NECTIN1: variants seen among roughly 807,000 people sequenced by gnomAD.
NECTIN1 encodes the protein nectin cell adhesion molecule 1.
NECTIN1 carries 23 observed loss-of-function variants against 48.0 expected under a neutral mutation model. The observed-to-expected ratio is 0.48, with a 90% CI of 0.34 to 0.68. The LOEUF (loss-of-function observed/expected upper bound fraction) is 0.68. NECTIN1 is among the 30% of genes least tolerant of loss of function. The pLI, the probability that NECTIN1 is intolerant of heterozygous loss-of-function variation, is 0.01. For synonymous variants in NECTIN1, 270 were observed against 288.9 expected (o/e 0.93, Z 0.66); for missense variants, 591 against 709.9 (o/e 0.83, Z 1.90).
At chr11:119,685,959 G>A (rs74793082) in intron 1 of NECTIN1, among the ~76,000 whole-genome samples, 1 of 152,162 alleles carries the variant, frequency 6.6e-6, no homozygotes, top group African/African-American at 2.4e-5. Context: ...TGACCCAGCT[G>A]TGCCTTTGCC....
downstream of NECTIN1, among the ~76,000 whole-genome samples, chr11:119,660,727 G>A (rs180715383): frequency 7.9e-4 from 121 of 152,216 alleles, no homozygotes; most frequent in Middle Eastern, 6.8e-3. Context: ...TTTCTTAAAG[G>A]CCTCCCTCCT....
Position 119,675,303 on chromosome 11 carries a change from C to CAT in NECTIN1, c.857_858dup (p.Gly287MetfsTer83). ...GCCTCCACACCCTTGGGGAGAGAGC[C>CAT]ATTTAGCCTGTGGGAAGTGGGAGAC... On this transcript the variant is annotated frameshift_variant, in exon 5 of 6. Coordinates refer to ENST00000264025, the MANE Select transcript of NECTIN1 (RefSeq NM_002855.5). LOFTEE classifies it high-confidence loss of function. 1 of 1,614,128 alleles carries CAT rather than the reference C, an allele frequency of 6.2e-7. No homozygotes were observed. The highest frequency in any genetic ancestry group is 1.1e-5 in the South Asian group (1 of 91,072).
Position 119,661,646 on chromosome 11 carries a change from T to A in NECTIN1, c.*3101A>T. ...GCTCTGAGGAAGGCAGAAAAGTTAT[T>A]GCACCAGTGACTTGGGCAAGTGGGG... On this transcript the variant is annotated 3_prime_UTR_variant, in exon 6 of 6. Coordinates refer to ENST00000264025, the MANE Select transcript of NECTIN1 (RefSeq NM_002855.5). 1 of 985,884 alleles carries A rather than the reference T, an allele frequency of 1.0e-6. No homozygotes were observed. Among genetic ancestry groups the A allele is most frequent in the Non-Finnish European group, 1.2e-6 (1 of 829,954 alleles). The allele number at this position is 985,884 out of a possible 1,614,324, so 61.1% of individuals were successfully genotyped here.
intron 5 of NECTIN1, among the ~76,000 whole-genome samples, chr11:119,670,686 G>T (rs1004509270): frequency 1.7e-5 from 2 of 119,270 alleles, no homozygotes; most frequent in South Asian, 2.8e-4. Flanking sequence ...TCGCTCCATC[G>T]CCTGGGCTGG....
downstream of NECTIN1, among the ~76,000 whole-genome samples, chr11:119,657,476 G>C (rs1271916819): frequency 6.6e-6 from 1 of 151,926 alleles, no homozygotes. Flanking sequence ...TTAGCTGGGC[G>C]TGGTGGCACG....
At chr11:119,712,274 GC>G (rs1037246387) in intron 1 of NECTIN1, among the ~76,000 whole-genome samples, 7 of 152,082 alleles carry the variant, frequency 4.6e-5, no homozygotes, top group African/African-American at 1.7e-4. Flanking sequence ...TCACGTCCCA[GC>G]CCACTCCTTC....
chr11:119,706,478 G>A (rs1385974669), intron 1 of NECTIN1, among the ~76,000 whole-genome samples: 1 of 152,166 alleles, frequency 6.6e-6, no homozygotes, highest in Non-Finnish European at 1.5e-5. Flanking sequence ...TAGGAAGAGG[G>A]AGGGACCTTC....
intron 5 of NECTIN1, chr11:119,640,299 A>C (rs1480610158): frequency 6.3e-6 from 3 of 477,628 alleles, no homozygotes; most frequent in Non-Finnish European, 1.1e-5. Context: ...GACAGGCAGC[A>C]GGTGCTGAGA....
chr11:119,645,051 C>G (rs1864377745), intron 5 of NECTIN1, among the ~76,000 whole-genome samples: 1 of 152,160 alleles, frequency 6.6e-6, no homozygotes, highest in African/African-American at 2.4e-5. Flanking sequence ...GCACTTCTGC[C>G]CCTGAAGCTG....
In NECTIN1 at chr11:119,664,754, T is replaced by A. The variant is rs1864731213; in HGVS notation, c.1547A>T (p.Tyr516Phe). 6.2e-7 allele frequency: 1 copy of A among 1,610,678 alleles called. No homozygotes were observed. The highest frequency in any genetic ancestry group is 1.1e-5 in the South Asian group (1 of 90,478). The stretch of plus-strand genomic sequence containing the variant: ...GAGGCTCTGGAAGGGGGGCTACACG[T>A]ACCACTCCTTCTTGGAAATGAAAGA... ...DGSFISKKEW[Y>F]V The change falls in exon 6 of 6, where the codon TAC becomes TTC. Residue 516 changes from tyrosine (Y) to phenylalanine (F), a missense_variant. By Grantham distance (22) the Tyr-to-Phe change is conservative. Coordinates refer to ENST00000264025, the MANE Select transcript of NECTIN1 (RefSeq NM_002855.5).
intron 1 of NECTIN1, among the ~76,000 whole-genome samples, chr11:119,697,766 C>T (rs575125093): frequency 6.6e-6 from 1 of 152,196 alleles, no homozygotes; most frequent in Non-Finnish European, 1.5e-5. Flanking sequence ...ACTGACACTG[C>T]CCCTTGGTTT....
rs183979337 is a variant in NECTIN1, at chr11:119,686,088, A to G, written c.80-7323T>C. On this transcript the variant is annotated intron_variant, in intron 1 of 5. Coordinates refer to ENST00000264025, the MANE Select transcript of NECTIN1 (RefSeq NM_002855.5). ...ATGCCAGGAAAATCCAGGCCACAGCATGGCAAAGCTGGAGCACACAGGGAC... is the reference window on the plus strand; with the variant it reads ...ATGCCAGGAAAATCCAGGCCACAGCGTGGCAAAGCTGGAGCACACAGGGAC... Among the ~76,000 whole-genome samples, 317 of 152,330 alleles carry G rather than the reference A, an allele frequency of 2.1e-3. 1 individual carries two copies. The highest frequency in any genetic ancestry group is 7.3e-3 in the African/African-American group (305 of 41,584).
rs376916853 is a variant in NECTIN1 at position 119,720,235 on chromosome 11, C to T, written c.79+8240G>A. On this transcript the variant is annotated intron_variant, in intron 1 of 5. Transcript: ENST00000264025. ...CTCCTCCACTGCCCTTGTCCTAGCA[C>T]CTGACAGCATTTGTCCACAAGACGC... is the stretch of plus-strand genomic sequence containing the variant. Among the ~76,000 whole-genome samples, 16 of 152,366 alleles carry T rather than the reference C, an allele frequency of 1.1e-4. No homozygotes were observed. The East Asian group carries it at 2.3e-3, about 22-fold the overall frequency.
intron 5 of NECTIN1, chr11:119,640,247 A>T: frequency 1.7e-6 from 1 of 572,446 alleles, no homozygotes; most frequent in Non-Finnish European, 3.1e-6. Flanking sequence ...TGATCCTGGG[A>T]TCTGGGGCAT....
intron 1 of NECTIN1, among the ~76,000 whole-genome samples, chr11:119,688,787 A>G (rs551502588): frequency 7.2e-5 from 11 of 152,152 alleles, no homozygotes; most frequent in African/African-American, 2.7e-4. Context: ...ACAGGGCTGG[A>G]GAGTCTGGGC....
intron 1 of NECTIN1, among the ~76,000 whole-genome samples, chr11:119,718,056 G>T (rs753272404): frequency 4.6e-5 from 7 of 152,248 alleles, no homozygotes; most frequent in African/African-American, 7.2e-5. Flanking sequence ...CAGATCAGAT[G>T]ACTGTTTTGC....
chr11:119,680,233 G>A (rs549583415), intron 1 of NECTIN1, among the ~76,000 whole-genome samples: 1 of 152,116 alleles, frequency 6.6e-6, no homozygotes, highest in African/African-American at 2.4e-5. Context: ...AACGTGGGGC[G>A]GTTGTCCTCA....
intron 5 of NECTIN1, among the ~76,000 whole-genome samples, chr11:119,654,946 G>A (rs1167917495): frequency 6.6e-6 from 1 of 151,938 alleles, no homozygotes; most frequent in Admixed American, 6.6e-5. Flanking sequence ...TTTTACTCTT[G>A]TTGCCAAGGC....
At chr11:119,658,743 T>C (rs919991679), downstream of NECTIN1, among the ~76,000 whole-genome samples, 12 of 152,226 alleles carry the variant, frequency 7.9e-5, no homozygotes, top group East Asian at 3.8e-4. Context: ...GGGTTCTTGC[T>C]ACTTTGTAAG....
Sources: gnomAD v4.1 joint callset for allele counts (sites outside exome capture counted in the v4.1 genomes callset) on GRCh38, gnomAD v4.1.1 for gene constraint, MANE v1.5 for transcripts, NCBI Gene and HGNC (gene_info 2026-07-23, HGNC 2026-07-21) for gene names.